Variants in SYNE4 observed in about 807,000 individuals in gnomAD.
SYNE4 encodes spectrin repeat containing nuclear envelope family member 4.
In SYNE4, 41 loss-of-function variants were observed where a neutral mutation model predicts 46.9. The ratio of observed to expected loss-of-function variants is 0.87; its 90% CI spans 0.68 to 1.13. SYNE4 has a LOEUF of 1.13. Ranked by LOEUF, SYNE4 falls within the 50% of genes most tolerant of loss-of-function variation. The pLI is 0.00. For synonymous variants in SYNE4, 221 were observed against 219.5 expected, an observed-to-expected ratio of 1.01 and a Z score of -0.06; for missense variants, 492 against 514.8, an observed-to-expected ratio of 0.96 and a Z score of 0.43.
At chr19:36,007,003 C>T in intron 3 of SYNE4, 59 bp from the exon 4 acceptor site, 2 of 1,529,264 alleles carry the variant, frequency 1.3e-6, no homozygotes, top group African/African-American at 1.4e-5. Context: ...CTGGAGTTAC[C>T]CCCCTCCCCC....
At position 36,003,629 on chromosome 19, in the gene SYNE4, G is replaced by A; in HGVS notation, c.1015C>T (p.Leu339=). 6.2e-7 allele frequency: 1 copy of A among 1,613,362 alleles called. No homozygotes were observed. Residue 339 remains leucine (L), a synonymous_variant, in exon 7 of 8, where the codon CTG becomes TTG. Transcript: ENST00000324444. The part of the protein sequence containing the change: ...QASPHLQDVR[L]EGNPGAPDPA... ...GCACCTCACCCTGGATTCCCCTCCA[G>A]CCTCACATCCTGGAGATGAGGAGAT...
chr19:36,004,680 G>A lies in SYNE4; in HGVS notation c.972+653C>T, dbSNP rs193100857. ...GCCCATGACCCCATCCGGTAAGTGG[G>A]AGTCAGCCCTGGGACTTTGGCAGCT... is the stretch of plus-strand genomic sequence containing the variant. On this transcript the variant is annotated intron_variant, in intron 6 of 7. Coordinates refer to ENST00000324444, the MANE Select transcript of SYNE4 (RefSeq NM_001039876.3). 5.1e-4 allele frequency among the ~76,000 whole-genome samples: 78 copies of A among 152,184 alleles called. 1 individual carries two copies. The Middle Eastern group carries it at 0.01, about 20-fold the overall frequency.
rs1568530619 is a variant in SYNE4, at chr19:36,005,335, G to A, written c.970C>T (p.Gln324Ter). The A allele has an allele frequency of 6.2e-7, 1 of 1,613,976 alleles. No homozygotes were observed. Among genetic ancestry groups the A allele is most frequent in the South Asian group, 1.1e-5 (1 of 91,084 alleles). The change falls in exon 6 of 8, where the codon CAG (glutamine) becomes TAG (stop). Residue 324 changes from glutamine to a stop codon, truncating the protein, a stop_gained and splice_region_variant. Transcript: ENST00000324444. LOFTEE classifies it high-confidence loss of function. ...CACCTGGTTGAGAACTGGCTCACCTGAGGCTTCCGGAGCAGGGAGTGTCTT... is the reference window on the plus strand; with the variant it reads ...CACCTGGTTGAGAACTGGCTCACCTAAGGCTTCCGGAGCAGGGAGTGTCTT... The part of the protein sequence containing the change: ...HQRHSLLRKP[Q>*]DKKRQASPHL...
rs776772746 is a variant in SYNE4, at chr19:36,008,236, G to GCTGGGTC, written c.253_259dup (p.Ala87GlyfsTer9). ...GCTCACCTCACAGTGTTTGCCCCCAGCTGGGTCCTCGTAGGAAGAGGGTGT... is the reference window on the plus strand; with the variant it reads ...GCTCACCTCACAGTGTTTGCCCCCAGCTGGGTCCTGGGTCCTCGTAGGAAGAGGGTGT... On this transcript the variant is annotated frameshift_variant, in exon 2 of 8. Coordinates refer to ENST00000324444, the MANE Select transcript of SYNE4 (RefSeq NM_001039876.3). LOFTEE classifies it high-confidence loss of function. 1.4e-5 allele frequency: 23 copies of GCTGGGTC among 1,611,134 alleles called. 1 individual carries two copies. The South Asian group carries it at 2.4e-4, about 17-fold the overall frequency.
In SYNE4 at chr19:36,006,501, T is replaced by C. The variant is rs557057979; in HGVS notation, c.789A>G (p.Gln263=). The C allele has an allele frequency of 4.4e-4, 714 of 1,611,378 alleles. 8 individuals carry two copies. The South Asian group carries it at 6.8e-3, about 15-fold the overall frequency. The change falls in exon 5 of 8, where the codon CAA becomes CAG. Residue 263 remains glutamine (Q), a synonymous_variant. Transcript: ENST00000324444. ...GDIGGLGPLG[Q]KTARTLGVPC... ...GCACTCCTAGTGTCCGGGCTGTCTT[T>C]TGTCCCAAGGGCCCAAGGCCCCCAA...
At chr19:36,006,322 G>T in intron 5 of SYNE4, 101 bp downstream of exon 5, 1 of 1,440,502 alleles carries the variant, frequency 6.9e-7, no homozygotes, top group Non-Finnish European at 9.3e-7. Context: ...GGGAGACAGA[G>T]CCACTGACAC....
intron 2 of SYNE4, chr19:36,007,517 G>A (rs979093674): frequency 1.1e-5 from 11 of 985,350 alleles, no homozygotes; most frequent in Non-Finnish European, 1.3e-5. Context: ...GAGGCCTGGG[G>A]GGTCTGGACA....
intron 6 of SYNE4, 34 bp from the exon 7 acceptor site, chr19:36,003,705 T>C (rs760306270): frequency 6.2e-7 from 1 of 1,602,278 alleles, no homozygotes. Flanking sequence ...GCAGAATGGA[T>C]AGAAATGATG....
chr19:36,007,387 G>C (rs545366323), intron 2 of SYNE4, 119 bp from the exon 3 acceptor site: 2 of 1,443,876 alleles, frequency 1.4e-6, no homozygotes, highest in African/African-American at 2.9e-5. Context: ...GTCCATCTCC[G>C]GGTCTGTCTG....
intron 4 of SYNE4, 27 bp downstream of exon 4, chr19:36,006,723 G>C: frequency 6.3e-7 from 1 of 1,593,436 alleles, no homozygotes; most frequent in East Asian, 2.2e-5. Flanking sequence ...GCCTGGGTTG[G>C]GTGGGGGGTA....
In SYNE4 at chr19:36,006,660, C is replaced by A; in HGVS notation, c.630G>T (p.Glu210Asp). 6.2e-7 allele frequency: 1 copy of A among 1,600,412 alleles called. No individual in the cohort carries two copies. The highest frequency in any genetic ancestry group is 8.5e-7 in the Non-Finnish European group (1 of 1,171,458). ...CCAAGTCCTGGTCCAGCGTGTTGGC[C>A]TCCTCGAACACCTGGGTCAAAGGAC... ...QLVSYSLVFE[E>D]ANTLDQDLEV... Residue 210 changes from glutamate to aspartate, a missense_variant, in exon 5 of 8, where the codon GAG (glutamate) becomes GAT (aspartate). Physicochemically the swap from Glu to Asp is conservative, Grantham distance 45. Coordinates refer to ENST00000324444, the MANE Select transcript of SYNE4 (RefSeq NM_001039876.3).
In SYNE4 at chr19:36,006,624, TC is replaced by T. The variant is rs1384147415; in HGVS notation, c.665del (p.Gly222GlufsTer48). On this transcript the variant is annotated frameshift_variant, in exon 5 of 8. Coordinates refer to ENST00000324444, the MANE Select transcript of SYNE4 (RefSeq NM_001039876.3). LOFTEE classifies it high-confidence loss of function. ...CACCAGGTCCTGGCCAGTCCGAGTC[TC>T]CCTCGACCTCCAAGTCCTGGTCCAG... ...NTLDQDLEVE[G>X]DSDWPGPGGV... 6.2e-7 allele frequency: 1 copy of T among 1,609,704 alleles called. No individual in the cohort carries two copies. Among genetic ancestry groups the T allele is most frequent in the East Asian group, 2.2e-5 (1 of 44,738 alleles).
Position 36,008,350 on chromosome 19 carries a change from G to A in SYNE4, c.146C>T (p.Thr49Ile), listed in dbSNP as rs1400100841. The stretch of plus-strand genomic sequence containing the variant: ...AGGGCCCAAGGAGTCCTGTCCCAGG[G>A]TCTGGGCCTGCTCTGGGCTAGGAGG... Reference protein sequence around the residue: ...EESTSPEQAQTLGQDSLGPPE... With the variant: ...EESTSPEQAQILGQDSLGPPE... The change falls in exon 2 of 8, where the codon ACC (threonine) becomes ATC (isoleucine). Residue 49 changes from threonine (T) to isoleucine (I), a missense_variant. By Grantham distance (89) the Thr-to-Ile change is moderately conservative. Transcript: ENST00000324444. The A allele has an allele frequency of 6.4e-7, 1 of 1,561,460 alleles. No homozygotes were observed. Among genetic ancestry groups the A allele is most frequent in the African/African-American group, 1.4e-5 (1 of 73,802 alleles).
chr19:36,003,429 G>T lies in SYNE4; in HGVS notation c.1123C>A (p.Pro375Thr). ...LLLVGAMFLL[P>T]ASGGPCCSHA... Reference sequence around the variant, plus strand: ...GAGCAGCAGGGGCCTCCTGACGCGGGCAGGAGAAACATGGCACCCACCAGG... The same window carrying T: ...GAGCAGCAGGGGCCTCCTGACGCGGTCAGGAGAAACATGGCACCCACCAGG... Residue 375 changes from proline (P) to threonine (T), a missense_variant, in exon 8 of 8, where the codon CCC becomes ACC. Physicochemically the swap from Pro to Thr is conservative, Grantham distance 38. Transcript: ENST00000324444. 1 of 1,613,730 alleles carries T rather than the reference G, an allele frequency of 6.2e-7. No homozygotes were observed. Among genetic ancestry groups the T allele is most frequent in the Non-Finnish European group, 8.5e-7 (1 of 1,179,834 alleles).
chr19:36,007,274 G>T lies in SYNE4; in HGVS notation c.280-6C>A. Reference sequence around the variant, plus strand: ...TCCAGGCCAGAAATGGGGTGCTGGGGAACACAGGAGCCAGGTCAGGGCCAG... The same window carrying T: ...TCCAGGCCAGAAATGGGGTGCTGGGTAACACAGGAGCCAGGTCAGGGCCAG... On this transcript the variant is annotated splice_polypyrimidine_tract_variant and splice_region_variant and intron_variant, in intron 2 of 7. Transcript: ENST00000324444. 6.3e-7 allele frequency: 1 copy of T among 1,594,390 alleles called. No homozygotes were observed. The highest frequency in any genetic ancestry group is 1.3e-5 in the African/African-American group (1 of 74,790).
At chr19:36,007,778 C>T (rs1228247266) in intron 2 of SYNE4, among the ~76,000 whole-genome samples, 1 of 151,692 alleles carries the variant, frequency 6.6e-6, no homozygotes, top group African/African-American at 2.4e-5. Context: ...AATCCCAGCA[C>T]TTCGGGAGGC....
rs1419122348 is a variant in SYNE4, at chr19:36,003,372, C to G, written c.1180G>C (p.Val394Leu). 6.2e-7 allele frequency: 1 copy of G among 1,613,898 alleles called. No individual in the cohort carries two copies. The highest frequency in any genetic ancestry group is 8.5e-7 in the Non-Finnish European group (1 of 1,180,014). The change falls in exon 8 of 8, where the codon GTG becomes CTG. Residue 394 changes from valine (V) to leucine (L), a missense_variant. Physicochemically the swap from Val to Leu is conservative, Grantham distance 32. Coordinates refer to ENST00000324444, the MANE Select transcript of SYNE4 (RefSeq NM_001039876.3). ...HARIPRTPYL[V>L]LSYVNGLPPV ...GGAAGACCATTGACATAGCTGAGCA[C>G]CAGGTAGGGTGTCCTGGGTATTCGG... is the stretch of plus-strand genomic sequence containing the variant.
chr19:36,003,768 G>A (rs910814848), intron 6 of SYNE4, 97 bp from the exon 7 acceptor site: 1 of 1,516,054 alleles, frequency 6.6e-7, no homozygotes, highest in Non-Finnish European at 8.9e-7. Flanking sequence ...CACCCACGCT[G>A]GACTGCAATG....
In SYNE4 at chr19:36,006,893, C is replaced by T; in HGVS notation, c.475G>A (p.Ala159Thr). ...GAAERVEALL[A>T]FGEGLAQRSE... ...CGCTGTGCCAGCCCCTCACCAAACG[C>T]TAGCAGCGCCTCCACACGCTCAGCT... The change falls in exon 4 of 8, where the codon GCG becomes ACG. Residue 159 changes from alanine (A) to threonine (T), a missense_variant. Ala to Thr is a moderately conservative substitution (Grantham distance 58). Coordinates refer to ENST00000324444, the MANE Select transcript of SYNE4 (RefSeq NM_001039876.3). 1 of 1,559,834 alleles carries T rather than the reference C, an allele frequency of 6.4e-7. No individual in the cohort carries two copies. The highest frequency in any genetic ancestry group is 8.7e-7 in the Non-Finnish European group (1 of 1,152,348).
Sources: gnomAD v4.1 joint callset for allele counts (sites outside exome capture counted in the v4.1 genomes callset) on GRCh38, gnomAD v4.1.1 for gene constraint, MANE v1.5 for transcripts, NCBI Gene and HGNC (gene_info 2026-07-23, HGNC 2026-07-21) for gene names.